TTN: variants seen among roughly 807,000 people sequenced by gnomAD.
TTN encodes the protein titin, also known as connectin.
TTN carries 1,525 observed loss-of-function variants against 3,223.0 expected under a neutral mutation model. That is an observed-to-expected ratio of 0.47 (90% CI 0.45 to 0.49). The LOEUF (loss-of-function observed/expected upper bound fraction) is 0.49, where lower values mean the gene tolerates loss of function less well. TTN is among the 20% of genes least tolerant of loss of function. The pLI, the probability that TTN is intolerant of heterozygous loss-of-function variation, is 0.00. For missense variants in TTN, 40,786 were observed against 43,424.0 expected (o/e 0.94, Z 5.40); for synonymous variants, 14,094 against 15,161.0 (o/e 0.93, Z 5.17).
At chr2:178,606,846 A>G (rs974841191) in intron 278 of TTN, among the ~76,000 whole-genome samples, 175 bp downstream of exon 278, 2 of 152,000 alleles carry the variant, frequency 1.3e-5, no homozygotes, top group Admixed American at 1.3e-4. Context: ...TTACATTGAA[A>G]TTATAGGAAA....
intron 47 of TTN, chr2:178,748,638 C>A: frequency 6.2e-7 from 1 of 1,612,954 alleles, no homozygotes; most frequent in South Asian, 1.1e-5. Flanking sequence ...TGGAATTTCA[C>A]ATCTGTGTGT....
chr2:178,723,456 G>A lies in TTN; in HGVS notation c.21644C>T (p.Ala7215Val), dbSNP rs759533714. ...ACGGGTAGTGCAAGATGCTTGGCCAGCGTTGTTAGAAACCACACAGGTGTA... is the reference window on the plus strand; with the variant it reads ...ACGGGTAGTGCAAGATGCTTGGCCAACGTTGTTAGAAACCACACAGGTGTA... Reference protein sequence around the residue: ...GEYTCVVSNNAGQASCTTRLF... With the variant: ...GEYTCVVSNNVGQASCTTRLF... The change falls in exon 74 of 363, where the codon GCT becomes GTT. Residue 7215 changes from alanine (A) to valine (V), a missense_variant. Transcript: ENST00000589042. 9 of 1,613,224 alleles carry A rather than the reference G, an allele frequency of 5.6e-6. No individual in the cohort carries two copies. In the East Asian group the frequency reaches 1.1e-4, roughly 20 times the overall value.
At position 178,680,314 on chromosome 2, in the gene TTN, T is replaced by C. The variant is rs1427000386; in HGVS notation, c.33358A>G (p.Arg11120Gly). 3 of 1,610,776 alleles carry C rather than the reference T, an allele frequency of 1.9e-6. No individual in the cohort carries two copies. The highest frequency in any genetic ancestry group is 1.7e-6 in the Non-Finnish European group (2 of 1,178,824). Residue 11120 changes from arginine (R) to glycine (G), a missense_variant, in exon 139 of 363, where the codon AGG becomes GGG. Transcript: ENST00000589042. ...GGTACTTTTTCTTCTGCGACAACCC[T>C]CTTGGGCTTCATGGGCACTTGAAAT... Reference protein sequence around the residue: ...PAAKVPMKPKRVVAEEKVPVP... With the variant: ...PAAKVPMKPKGVVAEEKVPVP...
chr2:178,550,861 C>T (rs1699159980), intron 336 of TTN, 106 bp downstream of exon 336: 1 of 1,030,426 alleles, frequency 9.7e-7, no homozygotes, highest in Non-Finnish European at 1.4e-6. Flanking sequence ...ACTTAGCAAC[C>T]TTGGGTAATT....
Position 178,720,251 on chromosome 2 carries a change from G to T in TTN, c.23391C>A (p.Phe7797Leu), listed in dbSNP as rs754815317. 12 of 1,609,156 alleles carry T rather than the reference G, an allele frequency of 7.5e-6. No homozygotes were observed. Among genetic ancestry groups the T allele is most frequent in the Non-Finnish European group, 1.0e-5 (12 of 1,176,964 alleles). Reference sequence around the variant, plus strand: ...TTGAGGTGTCACTTAGCTTTTTCACGAATCGTGGAGGTTCTGATGAAAGAA... The same window carrying T: ...TTGAGGTGTCACTTAGCTTTTTCACTAATCGTGGAGGTTCTGATGAAAGAA... ...CSVKFKEPPR[F>L]VKKLSDTSTL... is the part of the protein sequence containing the mutation. Residue 7797 changes from phenylalanine to leucine, a missense_variant, in exon 81 of 363, where the codon TTC becomes TTA. Physicochemically the swap from Phe to Leu is conservative, Grantham distance 22 (BLOSUM62 0). Coordinates refer to ENST00000589042, the MANE Select transcript of TTN (RefSeq NM_001267550.2).
chr2:178,575,134 T>C lies in TTN; in HGVS notation c.70998A>G (p.Thr23666=), dbSNP rs767989384. Reference sequence around the variant, plus strand: ...TAAGAATTTGGTCTCCTTTTTTCCATGTCACTGTGGGCTTCGGTCGACCGA... The same window carrying C: ...TAAGAATTTGGTCTCCTTTTTTCCACGTCACTGTGGGCTTCGGTCGACCGA... ...PVLGRPKPTV[T]WKKGDQILKQ... Residue 23666 remains threonine (T), a synonymous_variant, in exon 326 of 363, where the codon ACA becomes ACG. Transcript: ENST00000589042. The surrounding 1 kb of genome is among the most constrained non-coding windows in gnomAD (Gnocchi z 4.0). 7.2e-5 allele frequency: 116 copies of C among 1,612,818 alleles called. 1 individual carries two copies. The Admixed American group carries it at 1.1e-3, about 15-fold the overall frequency.
Position 178,553,811 on chromosome 2 carries a change from G to A in TTN, c.89198-4C>T. 6.3e-7 allele frequency: 1 copy of A among 1,580,782 alleles called. No homozygotes were observed. Among genetic ancestry groups the A allele is most frequent in the South Asian group, 1.2e-5 (1 of 84,808 alleles). On this transcript the variant is annotated splice_polypyrimidine_tract_variant and splice_region_variant and intron_variant, in intron 333 of 362. Coordinates refer to ENST00000589042, the MANE Select transcript of TTN (RefSeq NM_001267550.2). ...TTAGCAGGTGGACCTGGAGGATCTGGAATGGCCATTCACAATAAAATAATT... is the reference window on the plus strand; with the variant it reads ...TTAGCAGGTGGACCTGGAGGATCTGAAATGGCCATTCACAATAAAATAATT...
rs749649389 is a variant in TTN, at chr2:178,593,659, T to G, written c.58641A>C (p.Gly19547=). 6.2e-7 allele frequency: 1 copy of G among 1,613,244 alleles called. No homozygotes were observed. Among genetic ancestry groups the G allele is most frequent in the East Asian group, 2.2e-5 (1 of 44,672 alleles). The change falls in exon 298 of 363, where the codon GGA becomes GGC. Residue 19547 remains glycine (G), a synonymous_variant. Transcript: ENST00000589042. ...TTCKVSKLLE[G]KDYIFRIHAE... is the part of the protein sequence containing the mutation. ...CATGTATCCGGAAAATATAATCTTT[T>G]CCTTCAAGTAGTTTAGAAACTTTGC...
Position 178,533,383 on chromosome 2 carries a change from A to T in TTN, c.103232T>A (p.Ile34411Asn), listed in dbSNP as rs72629784. ...ATAATAATCCAAGCCTTCATGGATAATTTCAATGTTAGGCCCGAGGGACAG... is the reference window on the plus strand; with the variant it reads ...ATAATAATCCAAGCCTTCATGGATATTTTCAATGTTAGGCCCGAGGGACAG... ...QPLSLGPNIE[I>N]IHEGLDYYAL... Residue 34411 changes from isoleucine (I) to asparagine (N), a missense_variant, in exon 358 of 363, where the codon ATT becomes AAT. Physicochemically the swap from Ile to Asn is moderately radical, Grantham distance 149 (BLOSUM62 -3). Transcript: ENST00000589042. The T allele has an allele frequency of 3.7e-6, 6 of 1,613,540 alleles. No homozygotes were observed. The highest frequency in any genetic ancestry group is 5.1e-6 in the Non-Finnish European group (6 of 1,179,858).
At chr2:178,601,841 G>A (rs1217499448) in intron 285 of TTN, 41 bp downstream of exon 285, 5 of 1,606,846 alleles carry the variant, frequency 3.1e-6, no homozygotes, top group Non-Finnish European at 3.4e-6. Context: ...CAATATTGAA[G>A]TCAACCATAT....
chr2:178,604,593 G>T, intron 281 of TTN, 115 bp downstream of exon 281: 2 of 1,158,758 alleles, frequency 1.7e-6, no homozygotes, highest in Non-Finnish European at 2.4e-6. Flanking sequence ...CAAAATAACA[G>T]CTTATCGTGT....
At position 178,560,931 on chromosome 2, in the gene TTN, T is replaced by C; in HGVS notation, c.85201A>G (p.Arg28401Gly). ...GTTGAGATGATTTCTGTTCTTGCTCTTTCTTCAATTTCTATACCATCCTTG... is the reference window on the plus strand; with the variant it reads ...GTTGAGATGATTTCTGTTCTTGCTCCTTCTTCAATTTCTATACCATCCTTG... ...WAKDGIEIEERARTEIISTDN... is the reference protein window; with the variant it reads ...WAKDGIEIEEGARTEIISTDN... The change falls in exon 326 of 363, where the codon AGA becomes GGA. Residue 28401 changes from arginine to glycine, a missense_variant. Physicochemically the swap from Arg to Gly is moderately radical, Grantham distance 125. Coordinates refer to ENST00000589042, the MANE Select transcript of TTN (RefSeq NM_001267550.2). 1 of 1,613,856 alleles carries C rather than the reference T, an allele frequency of 6.2e-7. No individual in the cohort carries two copies. The highest frequency in any genetic ancestry group is 8.5e-7 in the Non-Finnish European group (1 of 1,179,830).
Position 178,646,007 on chromosome 2 carries a change from C to T in TTN, c.40321G>A (p.Glu13441Lys). The part of the protein sequence containing the change: ...VKEPEPEKVI[E>K]KPKLKPRPPP... ...GGTCTTGGTTTGAGTTTTGGCTTCT[C>T]AATAACCTTTTCAGGTTCAGGTTCT... The change falls in exon 217 of 363, where the codon GAG (glutamate) becomes AAG (lysine). Residue 13441 changes from glutamate to lysine, a missense_variant. Glu to Lys is a moderately conservative substitution (Grantham distance 56). Transcript: ENST00000589042. The T allele has an allele frequency of 6.4e-7, 1 of 1,572,536 alleles. No homozygotes were observed. Among genetic ancestry groups the T allele is most frequent in the East Asian group, 2.4e-5 (1 of 42,464 alleles).
At position 178,626,678 on chromosome 2, in the gene TTN, G is replaced by C. The variant is rs147298895; in HGVS notation, c.44425-1282C>G. Among the ~76,000 whole-genome samples, 1,036 of 152,024 alleles carry C rather than the reference G, an allele frequency of 6.8e-3. 14 individuals carry two copies. The highest frequency in any genetic ancestry group is 0.024 in the African/African-American group (989 of 41,530). ...AATAAGGAAAAATAACAGCTAGGAG[G>C]GGGTAGTTAAATATGCCCTTGGAAC... is the stretch of plus-strand genomic sequence containing the variant. On this transcript the variant is annotated intron_variant, in intron 240 of 362. Transcript: ENST00000589042.
chr2:178,622,161 A>C (rs2154212672), intron 243 of TTN, among the ~76,000 whole-genome samples, 153 bp from the exon 244 acceptor site: 1 of 151,976 alleles, frequency 6.6e-6, no homozygotes, highest in South Asian at 2.1e-4. Context: ...ATATAAACAA[A>C]CCCCAAAAGC....
chr2:178,787,935 C>T (rs903767181), intron 13 of TTN, among the ~76,000 whole-genome samples: 6 of 151,942 alleles, frequency 3.9e-5, no homozygotes, highest in Non-Finnish European at 5.9e-5. Context: ...CCAATTCATA[C>T]GAGTTAAATG....
In TTN at chr2:178,773,574, A is replaced by G. The variant is rs749215640; in HGVS notation, c.7482T>C (p.Ile2494=). The change falls in exon 32 of 363, where the codon ATT becomes ATC. Residue 2494 remains isoleucine, a synonymous_variant. Transcript: ENST00000589042. The stretch of plus-strand genomic sequence containing the variant: ...CTAGTCGCTGTTTAGTACCTTTCAC[A>G]ATGGCCTGTACACGGTCATCAGGCT... ...QIKPDDRVQA[I]VKGTKQRLVI... The G allele has an allele frequency of 6.2e-7, 1 of 1,614,028 alleles. No homozygotes were observed. Among genetic ancestry groups the G allele is most frequent in the South Asian group, 1.1e-5 (1 of 91,076 alleles).
intron 147 of TTN, 101 bp from the exon 148 acceptor site, chr2:178,676,096 CTCAAGACAGGTCTG>C (rs1330355745): frequency 4.6e-6 from 5 of 1,093,834 alleles, no homozygotes; most frequent in Non-Finnish European, 5.2e-6. Context: ...TTAACAGTCG[CTCAAGACAGGTCTG>C]TCATGTTAGT....
rs1454670479 is a variant in TTN, at chr2:178,553,798, C to G, written c.89207G>C (p.Gly29736Ala). The change falls in exon 334 of 363, where the codon GGT becomes GCT. Residue 29736 changes from glycine to alanine, a missense_variant. By Grantham distance (60) the Gly-to-Ala change is moderately conservative. Transcript: ENST00000589042. ...YKAADPIDPPGPPAKIRIADS... is the reference protein window; with the variant it reads ...YKAADPIDPPAPPAKIRIADS... ...TGCGATTCTTATCTTAGCAGGTGGACCTGGAGGATCTGGAATGGCCATTCA... is the reference window on the plus strand; with the variant it reads ...TGCGATTCTTATCTTAGCAGGTGGAGCTGGAGGATCTGGAATGGCCATTCA... 2.5e-6 allele frequency: 4 copies of G among 1,591,652 alleles called. No homozygotes were observed. The highest frequency in any genetic ancestry group is 3.4e-6 in the Non-Finnish European group (4 of 1,168,334).
Sources: allele counts gnomAD v4.1 joint callset (sites outside exome capture counted in the v4.1 genomes callset), GRCh38; gene constraint gnomAD v4.1.1; non-coding constraint Gnocchi (gnomAD v3.1); transcripts MANE v1.5; gene names NCBI Gene and HGNC (gene_info 2026-07-23, HGNC 2026-07-21).